The following MRPL4 variants were observed in gnomAD, a reference collection of about 807,000 sequenced individuals.
The protein encoded by MRPL4 is large ribosomal subunit protein uL4m.
Under a neutral mutation model 34.1 loss-of-function variants are expected in MRPL4, and 34 were observed. The observed-to-expected ratio is 1.00, with a 90% CI of 0.76 to 1.33. The LOEUF is 1.33. Ranked by LOEUF, MRPL4 falls within the 40% of genes most tolerant of loss-of-function variation. MRPL4 has a pLI of 0.00. For synonymous variants in MRPL4, 196 were observed against 188.3 expected (o/e 1.04, Z -0.33); for missense variants, 402 against 434.6 (o/e 0.92, Z 0.67).
At position 10,259,682 on chromosome 19, in the gene MRPL4, C is replaced by T. The variant is rs374501092; in HGVS notation, c.805C>T (p.Leu269=). The change falls in exon 9 of 9, where the codon CTG becomes TTG. Residue 269 remains leucine, a synonymous_variant. Coordinates refer to ENST00000253099, the MANE Select transcript of MRPL4 (RefSeq NM_015956.3). Reference sequence around the variant, plus strand: ...CCTGACGCTGCCCACCGTCGCCTTCCTGGAGGACAAGCTGCTCTGGCAGGA... The same window carrying T: ...CCTGACGCTGCCCACCGTCGCCTTCTTGGAGGACAAGCTGCTCTGGCAGGA... ...LVLTLPTVAF[L]EDKLLWQDSR... 144 of 1,613,080 alleles carry T rather than the reference C, an allele frequency of 8.9e-5. No individual in the cohort carries two copies. The highest frequency in any genetic ancestry group is 6.6e-4 in the Middle Eastern group (4 of 6,058).
chr19:10,255,175 C>G (rs1228553886), intron 4 of MRPL4: 1 of 152,450 alleles, frequency 6.6e-6, no homozygotes, highest in Non-Finnish European at 1.5e-5. Flanking sequence ...GCAGGGACCA[C>G]GAGGACAAAA....
At position 10,259,153 on chromosome 19, in the gene MRPL4, C is replaced by T. The variant is rs1418075812; in HGVS notation, c.740-464C>T. The stretch of plus-strand genomic sequence containing the variant: ...TCCAAAGTCACCTCTGTCAAAGCCA[C>T]AGTCTGTTCCTTCCACAGCCACAAG... On this transcript the variant is annotated intron_variant, in intron 8 of 8. Transcript: ENST00000253099. 12 of 1,136,740 alleles carry T rather than the reference C, an allele frequency of 1.1e-5. No homozygotes were observed. The South Asian group carries it at 3.5e-4, about 33-fold the overall frequency. 70.4% of individuals were successfully genotyped at this position (1,136,740 alleles called of 1,614,324 possible). A position where few individuals can be genotyped will look rare whatever the true frequency, so the allele number is the denominator to read the frequency against.
In MRPL4 at chr19:10,252,223, GAC is replaced by G. The variant is rs777619571; in HGVS notation, c.-30_-29del. The G allele has an allele frequency of 6.3e-7, 1 of 1,578,028 alleles. No homozygotes were observed. The highest frequency in any genetic ancestry group is 1.1e-5 in the South Asian group (1 of 89,018). On this transcript the variant is annotated 5_prime_UTR_variant, in exon 1 of 9. Transcript: ENST00000253099. ...CGCCTCGCGAGGCTCCAGTGGCCTT[GAC>G]CTCCCGCGGCGTGGGAGGCTGCGCG...
At position 10,253,186 on chromosome 19, in the gene MRPL4, T is replaced by C. The variant is rs371328005; in HGVS notation, c.275+485T>C. 6.6e-5 allele frequency among the ~76,000 whole-genome samples: 10 copies of C among 152,242 alleles called. No individual in the cohort carries two copies. The East Asian group carries it at 9.6e-4, about 15-fold the overall frequency. On this transcript the variant is annotated intron_variant, in intron 3 of 8. Transcript: ENST00000253099. ...TGTTCATAACATCTCTAAGAAAATG[T>C]AGGGGCCACCCTGGGCGCAGTGGCT...
intron 4 of MRPL4, 131 bp from the exon 5 acceptor site, chr19:10,256,577 A>G (rs2039853377): frequency 2.9e-6 from 2 of 698,218 alleles, no homozygotes; most frequent in East Asian, 5.9e-5. Context: ...CTCCCCAAGT[A>G]CTCTGTGCTT....
chr19:10,258,131 T>C (rs2039868566), intron 5 of MRPL4, 91 bp from the exon 6 acceptor site: 2 of 894,882 alleles, frequency 2.2e-6, no homozygotes, highest in Non-Finnish European at 3.5e-6. Context: ...GCGCCCCCTC[T>C]CTCGTCACCC....
intron 3 of MRPL4, among the ~76,000 whole-genome samples, chr19:10,253,367 T>A (rs1286257713): frequency 6.8e-6 from 1 of 147,736 alleles, no homozygotes; most frequent in East Asian, 2.0e-4. Flanking sequence ...TAGTCCCAGG[T>A]ACTCTGGAGG....
Position 10,256,691 on chromosome 19 carries a change from C to T in MRPL4, c.328-17C>T, listed in dbSNP as rs1291487695. Reference sequence around the variant, plus strand: ...CCTGCCTCGTGGACCTGACCCCCCTCCTCTTTGTGCCTCCAGAGCTATGCC... The same window carrying T: ...CCTGCCTCGTGGACCTGACCCCCCTTCTCTTTGTGCCTCCAGAGCTATGCC... On this transcript the variant is annotated splice_polypyrimidine_tract_variant and intron_variant, in intron 4 of 8. Coordinates refer to ENST00000253099, the MANE Select transcript of MRPL4 (RefSeq NM_015956.3). The T allele has an allele frequency of 6.2e-7, 1 of 1,609,414 alleles. No homozygotes were observed. Among genetic ancestry groups the T allele is most frequent in the Non-Finnish European group, 8.5e-7 (1 of 1,177,330 alleles).
At chr19:10,258,717 C>T in intron 8 of MRPL4, 32 bp downstream of exon 8, 1 of 1,614,084 alleles carries the variant, frequency 6.2e-7, no homozygotes. Flanking sequence ...CTAGAGTGCG[C>T]ATGTGCAGGC....
chr19:10,259,558 G>A, intron 8 of MRPL4, 59 bp from the exon 9 acceptor site: 3 of 1,542,874 alleles, frequency 1.9e-6, no homozygotes, highest in Non-Finnish European at 2.6e-6. Flanking sequence ...TGGGTGGGGT[G>A]AGGAGAGAGG....
At chr19:10,252,834 A>G (rs1353423671) in intron 3 of MRPL4, 133 bp downstream of exon 3, 3 of 1,255,674 alleles carry the variant, frequency 2.4e-6, no homozygotes, top group Non-Finnish European at 3.2e-6. Context: ...CCACCTGTCA[A>G]AGGGGAATGA....
At chr19:10,253,555 C>T (rs1359798745) in intron 3 of MRPL4, among the ~76,000 whole-genome samples, 2 of 151,254 alleles carry the variant, frequency 1.3e-5, no homozygotes, top group Admixed American at 6.6e-5. Context: ...CATTGGGAGG[C>T]CGAGGTGGGC....
rs367557796 is a variant in MRPL4 at position 10,258,481 on chromosome 19, G to A, written c.621G>A (p.Ala207=). The A allele has an allele frequency of 2.4e-5, 38 of 1,613,964 alleles. No homozygotes were observed. The highest frequency in any genetic ancestry group is 3.3e-5 in the Admixed American group (2 of 59,990). ...TGDPQYLTEL[A]HYRRWGDSVL... ...ACCCACAGTACCTGACAGAGCTGGC[G>A]CACTACCGCCGCTGGGGGGACTCCG... The change falls in exon 7 of 9, where the codon GCG becomes GCA. Residue 207 remains alanine, a synonymous_variant. Coordinates refer to ENST00000253099, the MANE Select transcript of MRPL4 (RefSeq NM_015956.3).
chr19:10,256,402 C>T lies in MRPL4; in HGVS notation c.328-306C>T, dbSNP rs565984716. The stretch of plus-strand genomic sequence containing the variant: ...CAGAGGTTGCAGTGAGCCAAGGTCA[C>T]ACCACTTGCACTCCACAGCCTGGGT... On this transcript the variant is annotated intron_variant, in intron 4 of 8. Transcript: ENST00000253099. 2.8e-3 allele frequency among the ~76,000 whole-genome samples: 428 copies of T among 152,160 alleles called. 19 individuals carry two copies. The South Asian group carries it at 0.067, about 24-fold the overall frequency.
chr19:10,259,220 C>T (rs1028930913), intron 8 of MRPL4: 12 of 1,325,428 alleles, frequency 9.1e-6, no homozygotes, highest in African/African-American at 7.6e-5. Flanking sequence ...CCTCAACCCA[C>T]GCCCCTCGCT....
At chr19:10,254,164 A>G (rs1392625599) in intron 3 of MRPL4, among the ~76,000 whole-genome samples, 3 of 152,078 alleles carry the variant, frequency 2.0e-5, no homozygotes, top group Non-Finnish European at 4.4e-5. Flanking sequence ...AATGACAGAC[A>G]TGTACCACCG....
Position 10,259,668 on chromosome 19 carries a change from C to T in MRPL4, c.791C>T (p.Pro264Leu). 1.9e-6 allele frequency: 3 copies of T among 1,613,038 alleles called. No homozygotes were observed. Among genetic ancestry groups the T allele is most frequent in the Non-Finnish European group, 2.5e-6 (3 of 1,179,712 alleles). Residue 264 changes from proline (P) to leucine (L), a missense_variant, in exon 9 of 9, where the codon CCC becomes CTC. Pro to Leu is a moderately conservative substitution (Grantham distance 98). Transcript: ENST00000253099. ...CACCAGACGCTGGTCCTGACGCTGC[C>T]CACCGTCGCCTTCCTGGAGGACAAG... is the stretch of plus-strand genomic sequence containing the variant. ...LKHQTLVLTL[P>L]TVAFLEDKLL...
Position 10,258,317 on chromosome 19 carries a change from A to C in MRPL4, c.541A>C (p.Lys181Gln). The change falls in exon 6 of 9, where the codon AAG (lysine) becomes CAG (glutamine). Residue 181 changes from lysine (K) to glutamine (Q), a missense_variant. Physicochemically the swap from Lys to Gln is moderately conservative, Grantham distance 53 (BLOSUM62 1). Transcript: ENST00000253099. ...GGGTCTCAAAGTGGCACTGACCGTC[A>C]AGCTGGCCCAGGTACAGCCATGGGG... is the stretch of plus-strand genomic sequence containing the variant. ...ALGLKVALTV[K>Q]LAQDDLHIMD... 1 of 1,614,088 alleles carries C rather than the reference A, an allele frequency of 6.2e-7. No homozygotes were observed. Among genetic ancestry groups the C allele is most frequent in the Non-Finnish European group, 8.5e-7 (1 of 1,180,022 alleles).
upstream of MRPL4, chr19:10,252,208 G>A (rs11552125): frequency 1.0e-4 from 157 of 1,530,610 alleles, 2 homozygotes; most frequent in Middle Eastern, 1.3e-3. Context: ...CGCCTCGCGA[G>A]GCTCCAGTGG....
Sources: gnomAD v4.1 joint callset for allele counts (sites outside exome capture counted in the v4.1 genomes callset) on GRCh38, gnomAD v4.1.1 for gene constraint, MANE v1.5 for transcripts, NCBI Gene and HGNC (gene_info 2026-07-23, HGNC 2026-07-21) for gene names.